PPP4R3B: variants seen among roughly 807,000 people sequenced by gnomAD.
PPP4R3B encodes the protein protein phosphatase 4 regulatory subunit 3B.
PPP4R3B carries 52 observed loss-of-function variants against 95.4 expected under a neutral mutation model. That is an observed-to-expected ratio of 0.54 (90% CI 0.44 to 0.69). The LOEUF (loss-of-function observed/expected upper bound fraction) is 0.69. PPP4R3B is among the 30% of genes least tolerant of loss of function. The pLI is 0.00. For missense variants in PPP4R3B, 1,003 were observed against 1,005.9 expected (o/e 1.00, Z 0.04); for synonymous variants, 407 against 343.9 (o/e 1.18, Z -2.03).
rs753306069 is a variant in PPP4R3B at position 55,603,978 on chromosome 2, C to T, written c.297G>A (p.Gln99=). ...GCDEIWEKIC[Q]VQGKDPSVEV... ...TTAAATATTATAAAAAGAAACTTAC[C>T]TGACAAATTTTTTCCCAGATCTCAT... is the stretch of plus-strand genomic sequence containing the variant. The change falls in exon 3 of 17, where the codon CAG becomes CAA. Residue 99 remains glutamine (Q), a splice_region_variant and synonymous_variant. Transcript: ENST00000616407. 6.7e-5 allele frequency: 106 copies of T among 1,591,830 alleles called. No homozygotes were observed. In the Middle Eastern group the frequency reaches 6.7e-4, roughly 10 times the overall value.
At chr2:55,611,922 G>A (rs369143565) in intron 2 of PPP4R3B, among the ~76,000 whole-genome samples, 3 of 152,108 alleles carry the variant, frequency 2.0e-5, no homozygotes, top group African/African-American at 7.2e-5. Context: ...GGTAGAGACA[G>A]GGATCTTGCT....
intron 6 of PPP4R3B, among the ~76,000 whole-genome samples, chr2:55,586,009 C>T (rs1254818184): frequency 6.6e-6 from 1 of 151,490 alleles, no homozygotes. Flanking sequence ...TTCTATAAAG[C>T]AAGGTACTAA....
intron 3 of PPP4R3B, among the ~76,000 whole-genome samples, chr2:55,599,831 T>C (rs2103683995): frequency 6.6e-6 from 1 of 152,312 alleles, no homozygotes; most frequent in African/African-American, 2.4e-5. Context: ...AGAGGCTTCC[T>C]TTGAATAAAA....
intron 3 of PPP4R3B, among the ~76,000 whole-genome samples, chr2:55,602,157 T>A (rs529564171): frequency 6.6e-6 from 1 of 152,210 alleles, no homozygotes; most frequent in African/African-American, 2.4e-5. Flanking sequence ...AGGTATGACA[T>A]GGTTTTATAG....
chr2:55,587,629 C>T (rs1690333666), intron 5 of PPP4R3B, among the ~76,000 whole-genome samples: 1 of 152,204 alleles, frequency 6.6e-6, no homozygotes, highest in Non-Finnish European at 1.5e-5. Flanking sequence ...AAGGCTAACA[C>T]TGATCAATTA....
At chr2:55,590,136 T>C (rs1434046764) in intron 4 of PPP4R3B, among the ~76,000 whole-genome samples, 1 of 150,750 alleles carries the variant, frequency 6.6e-6, no homozygotes, top group Non-Finnish European at 1.5e-5. Flanking sequence ...CAGACCAGCT[T>C]GACCAACATG....
chr2:55,584,954 G>T, intron 7 of PPP4R3B, 97 bp downstream of exon 7: 2 of 954,168 alleles, frequency 2.1e-6, no homozygotes, highest in Non-Finnish European at 3.1e-6. Context: ...TTGCTCCCAA[G>T]AAAGATTAAG....
chr2:55,577,235 C>A (rs1688803386), intron 11 of PPP4R3B, 80 bp downstream of exon 11: 1 of 1,452,802 alleles, frequency 6.9e-7, no homozygotes, highest in South Asian at 1.5e-5. Context: ...CTTTTCTTAG[C>A]CTTATATAAG....
At chr2:55,605,737 C>T (rs1693279811) in intron 2 of PPP4R3B, among the ~76,000 whole-genome samples, 1 of 151,988 alleles carries the variant, frequency 6.6e-6, no homozygotes. Context: ...GAAACCCCGT[C>T]TCTACTAAAA....
chr2:55,564,978 C>A lies in PPP4R3B; in HGVS notation c.1999G>T (p.Glu667Ter). ...ENFYKALESI[E>*]YVQTFKGLKT... is the part of the protein sequence containing the mutation. ...AATCCTTTGAATGTCTGAACATATT[C>A]AATCGATTCAAGTGCTTTATAAAAG... The change falls in exon 14 of 17, where the codon GAA becomes TAA. Residue 667 changes from glutamate to a stop codon, truncating the protein, a stop_gained. Transcript: ENST00000616407. LOFTEE classifies it high-confidence loss of function. 1 of 1,610,338 alleles carries A rather than the reference C, an allele frequency of 6.2e-7. No individual in the cohort carries two copies. Among genetic ancestry groups the A allele is most frequent in the South Asian group, 1.1e-5 (1 of 90,434 alleles).
chr2:55,573,830 G>C, intron 11 of PPP4R3B, 53 bp from the exon 12 acceptor site: 11 of 1,021,184 alleles, frequency 1.1e-5, no homozygotes, highest in East Asian at 4.0e-5. Flanking sequence ...TCTAAATAAA[G>C]AATAAATAAA....
At position 55,564,424 on chromosome 2, in the gene PPP4R3B, A is replaced by G; in HGVS notation, c.2149T>C (p.Phe717Leu). ...KALEEDEEMW[F>L]NEDEEEEGKA... Reference sequence around the variant, plus strand: ...CCTTCCTCTTCTTCATCTTCATTAAACCACATTTCTTCATCCTCTTCCAAG... The same window carrying G: ...CCTTCCTCTTCTTCATCTTCATTAAGCCACATTTCTTCATCCTCTTCCAAG... Residue 717 changes from phenylalanine to leucine, a missense_variant, in exon 15 of 17, where the codon TTT becomes CTT. Phe to Leu is a conservative substitution (Grantham distance 22). Around this residue, in one of 3 missense-constraint regions of PPP4R3B, gnomAD observed 229 missense variants for 194.7 expected, o/e 1.18. Coordinates refer to ENST00000616407, the MANE Select transcript of PPP4R3B (RefSeq NM_001122964.3). 6.2e-7 allele frequency: 1 copy of G among 1,613,802 alleles called. No homozygotes were observed. The highest frequency in any genetic ancestry group is 8.5e-7 in the Non-Finnish European group (1 of 1,179,884).
intron 2 of PPP4R3B, among the ~76,000 whole-genome samples, chr2:55,605,300 T>C (rs1170438512): frequency 1.3e-5 from 2 of 152,154 alleles, no homozygotes; most frequent in African/African-American, 2.4e-5. Flanking sequence ...AAACACCTTA[T>C]ATGTAATAAC....
chr2:55,558,204 C>T (rs997108424), intron 16 of PPP4R3B, among the ~76,000 whole-genome samples: 2 of 152,084 alleles, frequency 1.3e-5, no homozygotes, highest in Non-Finnish European at 2.9e-5. Context: ...TGTGTGAAGA[C>T]GTTCTACTAC....
chr2:55,562,166 A>T (rs1301130221), intron 15 of PPP4R3B, among the ~76,000 whole-genome samples: 1 of 152,152 alleles, frequency 6.6e-6, no homozygotes, highest in African/African-American at 2.4e-5. Context: ...TCATGCCTGT[A>T]ATCCCAGCAC....
At chr2:55,615,987 C>A (rs952689265) in intron 1 of PPP4R3B, among the ~76,000 whole-genome samples, 1 of 140,680 alleles carries the variant, frequency 7.1e-6, no homozygotes. Flanking sequence ...CTCTCCAAAT[C>A]TAGGCTTCAC....
At chr2:55,609,138 G>A (rs1293215692) in intron 2 of PPP4R3B, among the ~76,000 whole-genome samples, 2 of 152,128 alleles carry the variant, frequency 1.3e-5, no homozygotes, top group Non-Finnish European at 2.9e-5. Flanking sequence ...TACCTCAAAG[G>A]AGGTTACCTT....
intron 15 of PPP4R3B, among the ~76,000 whole-genome samples, chr2:55,563,450 G>A (rs1686879446): frequency 6.6e-6 from 1 of 152,140 alleles, no homozygotes; most frequent in Non-Finnish European, 1.5e-5. Context: ...ATGGCTCACT[G>A]CAGCTTCGAC....
intron 2 of PPP4R3B, among the ~76,000 whole-genome samples, chr2:55,613,897 G>A (rs10496047): frequency 0.089 from 13,562 of 151,810 alleles, 748 homozygotes; most frequent in South Asian, 0.14. Context: ...GTAAAAACTC[G>A]GTATAAAGAC....
Sources: allele counts gnomAD v4.1 joint callset (sites outside exome capture counted in the v4.1 genomes callset), GRCh38; gene constraint gnomAD v4.1.1; regional missense constraint gnomAD v4.1.1; transcripts MANE v1.5; gene names NCBI Gene and HGNC (gene_info 2026-07-23, HGNC 2026-07-21).